Variants in SREBF2 observed in about 807,000 individuals in gnomAD.
The protein encoded by SREBF2 is sterol regulatory element binding transcription factor 2.
Under a neutral mutation model 113.1 loss-of-function variants are expected in SREBF2, and 55 were observed. The ratio of observed to expected loss-of-function variants is 0.49; its 90% CI spans 0.39 to 0.61. The LOEUF (loss-of-function observed/expected upper bound fraction) is 0.61. Ranked by LOEUF, SREBF2 falls within the 20% of genes least tolerant of loss-of-function variation. SREBF2 has a pLI of 0.00. For missense variants in SREBF2, 1,349 were observed against 1,487.4 expected, an observed-to-expected ratio of 0.91 and a Z score of 1.53; for synonymous variants, 593 against 605.7, an observed-to-expected ratio of 0.98 and a Z score of 0.31.
intron 1 of SREBF2, among the ~76,000 whole-genome samples, chr22:41,865,059 A>C (rs2077062731): frequency 6.6e-6 from 1 of 151,452 alleles, no homozygotes; most frequent in African/African-American, 2.4e-5. Flanking sequence ...GATTACAGGC[A>C]TGAGCCACCA....
Position 41,904,779 on chromosome 22 carries a change from G to A in SREBF2, c.3094-84G>A, listed in dbSNP as rs754532630. The A allele has an allele frequency of 9.7e-5, 107 of 1,099,038 alleles. 1 individual carries two copies. The South Asian group carries it at 1.3e-3, about 14-fold the overall frequency. The allele number at this position is 1,099,038 out of a possible 1,614,324, so 68.1% of individuals were successfully genotyped here. On this transcript the variant is annotated intron_variant, in intron 17 of 18. Coordinates refer to ENST00000361204, the MANE Select transcript of SREBF2 (RefSeq NM_004599.4). ...GGGAAGGGATGTCATGAGGTGGCAG[G>A]CGAGATGGCTCAGGGAGAGCTACCC...
Position 41,893,201 on chromosome 22 carries a change from C to T in SREBF2, c.2293C>T (p.Leu765=). 6.2e-7 allele frequency: 1 copy of T among 1,614,206 alleles called. No individual in the cohort carries two copies. Among genetic ancestry groups the T allele is most frequent in the South Asian group, 1.1e-5 (1 of 91,090 alleles). The stretch of plus-strand genomic sequence containing the variant: ...CTCCCTGCGCTGGCTCTGCCACCCC[C>T]TGGGCCAGAAGTTTTTCATGGAGCG... ...PDSLRWLCHP[L]GQKFFMERSW... The change falls in exon 12 of 19, where the codon CTG becomes TTG. Residue 765 remains leucine, a synonymous_variant. Transcript: ENST00000361204.
At chr22:41,834,640 T>A (rs1429338264) in intron 1 of SREBF2, 1 of 152,616 alleles carries the variant, frequency 6.6e-6, no homozygotes, top group Admixed American at 6.5e-5. Flanking sequence ...AAGGATCTGT[T>A]TGCCATTTTC....
intron 1 of SREBF2, among the ~76,000 whole-genome samples, chr22:41,837,741 C>G (rs1253421149): frequency 6.6e-6 from 1 of 150,980 alleles, no homozygotes; most frequent in African/African-American, 2.4e-5. Flanking sequence ...GCCTGTAATC[C>G]CAGCTACTCA....
intron 1 of SREBF2, among the ~76,000 whole-genome samples, chr22:41,862,476 C>T (rs1211246738): frequency 6.6e-6 from 1 of 152,182 alleles, no homozygotes; most frequent in Non-Finnish European, 1.5e-5. Flanking sequence ...GTCTCTGGCC[C>T]TGAGCTTTGT....
At position 41,880,904 on chromosome 22, in the gene SREBF2, C is replaced by T; in HGVS notation, c.1950C>T (p.Ala650=). The change falls in exon 10 of 19, where the codon GCC becomes GCT. Residue 650 remains alanine (A), a synonymous_variant. Coordinates refer to ENST00000361204, the MANE Select transcript of SREBF2 (RefSeq NM_004599.4). ...KVFQCRRATP[A]TEAGFEDEAK... ...TCCAGTGCCGGCGGGCCACGCCAGC[C>T]ACTGAGGCAGGCTTTGAAGACGAAG... 6.2e-7 allele frequency: 1 copy of T among 1,613,736 alleles called. No homozygotes were observed. Among genetic ancestry groups the T allele is most frequent in the Non-Finnish European group, 8.5e-7 (1 of 1,180,022 alleles).
intron 12 of SREBF2, among the ~76,000 whole-genome samples, chr22:41,894,236 A>T (rs1175110403): frequency 6.6e-6 from 1 of 152,108 alleles, no homozygotes; most frequent in Non-Finnish European, 1.5e-5. Context: ...TATCTGCCAC[A>T]TGTGAGGAGA....
chr22:41,887,593 G>T (rs1369106254), intron 11 of SREBF2, among the ~76,000 whole-genome samples: 2 of 152,144 alleles, frequency 1.3e-5, no homozygotes, highest in Non-Finnish European at 2.9e-5. Context: ...TATTTATAGT[G>T]TTCCATTGTA....
At chr22:41,885,293 G>A (rs2077289570) in intron 11 of SREBF2, among the ~76,000 whole-genome samples, 1 of 152,214 alleles carries the variant, frequency 6.6e-6, no homozygotes. Flanking sequence ...TTCAGCAATA[G>A]CAGAGCTACT....
At chr22:41,856,927 C>T (rs866910900) in intron 1 of SREBF2, among the ~76,000 whole-genome samples, 4 of 151,912 alleles carry the variant, frequency 2.6e-5, no homozygotes, top group African/African-American at 9.7e-5. Flanking sequence ...ATTAGCTGGG[C>T]GTGGTGGCAG....
intron 11 of SREBF2, among the ~76,000 whole-genome samples, chr22:41,889,667 C>T (rs565179825): frequency 1.3e-5 from 2 of 150,768 alleles, no homozygotes; most frequent in Non-Finnish European, 2.9e-5. Context: ...CACTCCACTC[C>T]AGCCTGGACA....
intron 10 of SREBF2, 110 bp downstream of exon 10, chr22:41,881,102 A>G (rs946037979): frequency 1.4e-6 from 2 of 1,416,450 alleles, no homozygotes; most frequent in African/African-American, 2.8e-5. Context: ...CTTTAACGCT[A>G]CTCTTTTAGA....
chr22:41,852,177 G>C (rs73430924), intron 1 of SREBF2, among the ~76,000 whole-genome samples: 1 of 150,622 alleles, frequency 6.6e-6, no homozygotes, highest in Non-Finnish European at 1.5e-5. Flanking sequence ...GAGTGAAGGA[G>C]GGAGGGAGGC....
At chr22:41,897,390 C>T (rs563385404) in intron 14 of SREBF2, among the ~76,000 whole-genome samples, 17 of 152,204 alleles carry the variant, frequency 1.1e-4, no homozygotes, top group Non-Finnish European at 1.6e-4. Context: ...ATGTCTTCCT[C>T]AAGCCCTAGC....
At position 41,871,005 on chromosome 22, in the gene SREBF2, C is replaced by T. The variant is rs2077135270; in HGVS notation, c.837C>T (p.Thr279=). ...ACCCGGCCCTCACCGCCCTCACCAC[C>T]CCTATCCAGACGGCTGCCCTTCAAG... ...VQNPALTALT[T]PIQTAALQVP... Residue 279 remains threonine (T), a synonymous_variant, in exon 4 of 19, where the codon ACC becomes ACT. Transcript: ENST00000361204. The T allele has an allele frequency of 3.7e-6, 6 of 1,614,138 alleles. No homozygotes were observed. Among genetic ancestry groups the T allele is most frequent in the South Asian group, 2.2e-5 (2 of 91,074 alleles).
At position 41,833,625 on chromosome 22, in the gene SREBF2, A is replaced by G. The variant is rs543465528; in HGVS notation, c.88+267A>G. 1.2e-4 allele frequency: 45 copies of G among 378,298 alleles called. No homozygotes were observed. The highest frequency in any genetic ancestry group is 8.9e-4 in the African/African-American group (42 of 47,020). The allele number at this position is 378,298 out of a possible 1,614,324, so 23.4% of individuals were successfully genotyped here. ...GTCGCGGGTTCCAGAGCGCGGGGCT[A>G]GGGACGTCGCGGGGGCGTCTCAGGG... On this transcript the variant is annotated intron_variant, in intron 1 of 18. Coordinates refer to ENST00000361204, the MANE Select transcript of SREBF2 (RefSeq NM_004599.4). This position sits in a 1 kb window ranked among gnomAD's most constrained non-coding sequence, Gnocchi z 4.1.
At position 41,864,015 on chromosome 22, in the gene SREBF2, G is replaced by C. The variant is rs184350261; in HGVS notation, c.89-2816G>C. On this transcript the variant is annotated intron_variant, in intron 1 of 18. Transcript: ENST00000361204. ...TTCTCCTGCCTCAGCCTCCCGAGTAGCTGGGATTACAGGCACCCACCACCA... is the reference window on the plus strand; with the variant it reads ...TTCTCCTGCCTCAGCCTCCCGAGTACCTGGGATTACAGGCACCCACCACCA... 3.3e-5 allele frequency among the ~76,000 whole-genome samples: 5 copies of C among 150,848 alleles called. 1 individual carries two copies. Among genetic ancestry groups the C allele is most frequent in the African/African-American group, 1.2e-4 (5 of 41,036 alleles).
intron 17 of SREBF2, 80 bp from the exon 18 acceptor site, chr22:41,904,783 G>A (rs1372997104): frequency 1.7e-6 from 2 of 1,159,440 alleles, no homozygotes; most frequent in African/African-American, 3.1e-5. Context: ...TGGCAGGCGA[G>A]ATGGCTCAGG....
chr22:41,891,225 A>G (rs1176986571), intron 11 of SREBF2: 3 of 152,156 alleles, frequency 2.0e-5, no homozygotes, highest in Non-Finnish European at 2.9e-5. Context: ...TCAGCTCCTC[A>G]ACTGCTATTC....
Sources: allele counts gnomAD v4.1 joint callset (sites outside exome capture counted in the v4.1 genomes callset), GRCh38; gene constraint gnomAD v4.1.1; non-coding constraint Gnocchi (gnomAD v3.1); transcripts MANE v1.5; gene names NCBI Gene and HGNC (gene_info 2026-07-23, HGNC 2026-07-21).